VTI1A: variants seen among roughly 807,000 people sequenced by gnomAD.
The protein encoded by VTI1A is vesicle transport through interaction with t-SNAREs homolog 1A.
Under a neutral mutation model 34.9 loss-of-function variants are expected in VTI1A, and 22 were observed. The observed-to-expected ratio is 0.63, with a 90% CI of 0.45 to 0.90. The LOEUF (loss-of-function observed/expected upper bound fraction) is 0.90. Ranked by LOEUF, VTI1A falls within the 40% of genes least tolerant of loss-of-function variation. The pLI is 0.00. For synonymous variants in VTI1A, 87 were observed against 97.3 expected (o/e 0.89, Z 0.62); for missense variants, 268 against 275.6 (o/e 0.97, Z 0.20).
intron 5 of VTI1A, among the ~76,000 whole-genome samples, chr10:112,651,598 C>T (rs1564867152): frequency 2.0e-5 from 3 of 152,166 alleles, no homozygotes; most frequent in South Asian, 2.1e-4. Flanking sequence ...CGTAAGCCAC[C>T]GTGCCTGGCC....
At chr10:112,654,589 T>C (rs1008628152) in intron 5 of VTI1A, among the ~76,000 whole-genome samples, 14 of 152,104 alleles carry the variant, frequency 9.2e-5, no homozygotes, top group African/African-American at 3.4e-4. Flanking sequence ...ACCTCCTGGG[T>C]TCACGCCATT....
chr10:112,550,996 C>G (rs1851332715), intron 5 of VTI1A, among the ~76,000 whole-genome samples: 2 of 152,168 alleles, frequency 1.3e-5, no homozygotes, highest in African/African-American at 2.4e-5. Flanking sequence ...GTAATCCCAG[C>G]ACTTTGGGAG....
chr10:112,757,854 G>C (rs1268923010), intron 7 of VTI1A, among the ~76,000 whole-genome samples: 1 of 151,862 alleles, frequency 6.6e-6, no homozygotes, highest in African/African-American at 2.4e-5. Context: ...TTTTGTTTTT[G>C]GTTTTTACAA....
At chr10:112,499,681 G>T (rs1337700031) in intron 3 of VTI1A, among the ~76,000 whole-genome samples, 1 of 151,906 alleles carries the variant, frequency 6.6e-6, no homozygotes, top group East Asian at 1.9e-4. Context: ...TCTTCTTCCC[G>T]CATTTATTAT....
intron 5 of VTI1A, among the ~76,000 whole-genome samples, chr10:112,549,146 C>A (rs1488310427): frequency 6.6e-6 from 1 of 152,098 alleles, no homozygotes; most frequent in Admixed American, 6.5e-5. Context: ...AAAATAGACC[C>A]AAAAAGTATT....
chr10:112,550,434 G>C (rs906135941), intron 5 of VTI1A, among the ~76,000 whole-genome samples: 3 of 150,732 alleles, frequency 2.0e-5, no homozygotes. Flanking sequence ...GCATGGGTTT[G>C]CATTGGACTA....
chr10:112,474,063 A>G (rs1183136415), intron 3 of VTI1A, among the ~76,000 whole-genome samples: 1 of 151,778 alleles, frequency 6.6e-6, no homozygotes, highest in East Asian at 1.9e-4. Flanking sequence ...GGATATGACT[A>G]TGACTTTTTT....
chr10:112,640,933 A>T (rs1846544714), intron 5 of VTI1A, among the ~76,000 whole-genome samples: 1 of 152,174 alleles, frequency 6.6e-6, no homozygotes, highest in Non-Finnish European at 1.5e-5. Context: ...TAGTATCCAA[A>T]TTACTCTATT....
chr10:112,758,548 G>T (rs1851361254), intron 7 of VTI1A, among the ~76,000 whole-genome samples: 1 of 152,214 alleles, frequency 6.6e-6, no homozygotes, highest in African/African-American at 2.4e-5. Context: ...AAGACCCAAT[G>T]CTGCAAGAGG....
intron 7 of VTI1A, among the ~76,000 whole-genome samples, chr10:112,696,014 G>A (rs780139944): frequency 6.6e-5 from 10 of 151,874 alleles, no homozygotes; most frequent in Non-Finnish European, 1.5e-4. Flanking sequence ...TACAAAAAGA[G>A]CTTTCCTTTA....
chr10:112,742,652 T>C (rs7094841), intron 7 of VTI1A, among the ~76,000 whole-genome samples: 26,003 of 152,204 alleles, frequency 0.17, 4,036 homozygotes, highest in African/African-American at 0.41. Flanking sequence ...TGTAGGAAAA[T>C]GCAGCCTTTG....
intron 5 of VTI1A, among the ~76,000 whole-genome samples, chr10:112,646,908 C>A (rs1564864820): frequency 6.6e-6 from 1 of 152,186 alleles, no homozygotes; most frequent in Non-Finnish European, 1.5e-5. Context: ...TGGTTCCATT[C>A]ATATCATTCT....
intron 3 of VTI1A, 58 bp downstream of exon 3, chr10:112,464,715 A>C: frequency 1.4e-6 from 2 of 1,448,022 alleles, no homozygotes; most frequent in Non-Finnish European, 1.9e-6. Flanking sequence ...TTTCCTCCTC[A>C]TGCCTCAGTC....
intron 3 of VTI1A, among the ~76,000 whole-genome samples, chr10:112,503,071 G>C (rs920917955): frequency 2.0e-5 from 3 of 152,056 alleles, no homozygotes; most frequent in Admixed American, 6.6e-5. Context: ...ATCAAATCAG[G>C]GGACTTGGGA....
At chr10:112,733,725 A>ATTATT (rs71035398) in intron 7 of VTI1A, among the ~76,000 whole-genome samples, 14,146 of 128,476 alleles carry the variant, frequency 0.11, 859 homozygotes, top group African/African-American at 0.13. Context: ...TCTCATTTAC[A>ATTATT]TTATTTTATT....
At chr10:112,688,583 G>A (rs1278806198) in intron 7 of VTI1A, among the ~76,000 whole-genome samples, 9 of 147,614 alleles carry the variant, frequency 6.1e-5, no homozygotes, top group South Asian at 2.2e-4. Context: ...GTGCAGTGGC[G>A]CAATCTTGGC....
chr10:112,806,519 C>G (rs979133196), intron 7 of VTI1A, among the ~76,000 whole-genome samples: 1 of 151,896 alleles, frequency 6.6e-6, no homozygotes, highest in Non-Finnish European at 1.5e-5. Flanking sequence ...CTCCTGACCT[C>G]AAGTGATCTG....
At chr10:112,672,543 G>C (rs1400849480) in intron 7 of VTI1A, among the ~76,000 whole-genome samples, 1 of 152,096 alleles carries the variant, frequency 6.6e-6, no homozygotes, top group African/African-American at 2.4e-5. Flanking sequence ...AATGAAAATG[G>C]TCATGAAACA....
intron 5 of VTI1A, among the ~76,000 whole-genome samples, chr10:112,614,183 C>T (rs1049448821): frequency 1.3e-5 from 2 of 152,134 alleles, no homozygotes; most frequent in Non-Finnish European, 2.9e-5. Flanking sequence ...CTCATTTGTA[C>T]CTGTGCCATG....
Sources: gnomAD v4.1 joint callset for allele counts (sites outside exome capture counted in the v4.1 genomes callset) on GRCh38, gnomAD v4.1.1 for gene constraint, MANE v1.5 for transcripts, NCBI Gene and HGNC (gene_info 2026-07-23, HGNC 2026-07-21) for gene names.